The following GRIK2 variants were observed in gnomAD, a reference collection of about 807,000 sequenced individuals.
GRIK2 encodes glutamate receptor ionotropic, kainate 2.
Under a neutral mutation model 100.3 loss-of-function variants are expected in GRIK2, and 32 were observed. The observed-to-expected ratio is 0.32, with a 90% CI of 0.24 to 0.43. GRIK2 has a LOEUF of 0.43. Among genes scored for constraint, GRIK2 ranks in the 20% least tolerant of loss-of-function variants. GRIK2 has a pLI of 1.00. For synonymous variants in GRIK2, 417 were observed against 389.4 expected (o/e 1.07, Z -0.83); for missense variants, 843 against 1,114.9 (o/e 0.76, Z 3.47).
At chr6:101,764,128 T>G (rs772781659) in intron 7 of GRIK2, among the ~76,000 whole-genome samples, 1 of 152,196 alleles carries the variant, frequency 6.6e-6, no homozygotes, top group African/African-American at 2.4e-5. Context: ...TCATCACTTA[T>G]ATGTCAGAGA....
chr6:101,764,184 A>G (rs952271910), intron 7 of GRIK2, among the ~76,000 whole-genome samples: 3 of 151,930 alleles, frequency 2.0e-5, no homozygotes, highest in Admixed American at 2.0e-4. Flanking sequence ...CCTGAGTGTC[A>G]TTTGCTCTTG....
chr6:101,734,154 T>C (rs1775476583), intron 7 of GRIK2, among the ~76,000 whole-genome samples: 1 of 152,070 alleles, frequency 6.6e-6, no homozygotes, highest in South Asian at 2.1e-4. Flanking sequence ...TCTGTATTAG[T>C]CAAAGTTCCC....
intron 7 of GRIK2, among the ~76,000 whole-genome samples, chr6:101,743,860 T>C (rs1049480260): frequency 1.7e-4 from 26 of 152,220 alleles, no homozygotes; most frequent in Non-Finnish European, 7.3e-5. Context: ...AGGTGGTATT[T>C]AGTTAAATGA....
intron 7 of GRIK2, among the ~76,000 whole-genome samples, chr6:101,704,056 T>C (rs1227910282): frequency 6.6e-6 from 1 of 151,660 alleles, no homozygotes; most frequent in Non-Finnish European, 1.5e-5. Flanking sequence ...AAGTGAATAT[T>C]CTGGGGAAAT....
chr6:101,556,914 A>G lies in GRIK2; in HGVS notation c.116-65035A>G, dbSNP rs966923674. 2.6e-5 allele frequency among the ~76,000 whole-genome samples: 4 copies of G among 152,172 alleles called. 1 individual carries two copies. Among genetic ancestry groups the G allele is most frequent in the Admixed American group, 1.3e-4 (2 of 15,270 alleles). On this transcript the variant is annotated intron_variant, in intron 2 of 16. Coordinates refer to ENST00000369134, the MANE Select transcript of GRIK2 (RefSeq NM_021956.5). ...TTTGGTGAATTTGTGGTACTTTACA[A>G]TGGATTAGAGTAAGTAAAAATATTT... is the stretch of plus-strand genomic sequence containing the variant.
chr6:102,055,810 G>A (rs1439227655), intron 16 of GRIK2, among the ~76,000 whole-genome samples: 1 of 151,836 alleles, frequency 6.6e-6, no homozygotes, highest in Non-Finnish European at 1.5e-5. Flanking sequence ...TTTAATTGTA[G>A]CCAGCTTCAG....
intron 12 of GRIK2, among the ~76,000 whole-genome samples, chr6:101,909,165 CATA>C (rs1364732493): frequency 2.6e-5 from 4 of 151,074 alleles, no homozygotes; most frequent in African/African-American, 4.8e-5. Flanking sequence ...TAATTGACCT[CATA>C]ATCAGTATAA....
intron 15 of GRIK2, among the ~76,000 whole-genome samples, chr6:102,047,478 G>A (rs1415971483): frequency 1.3e-5 from 2 of 152,060 alleles, no homozygotes; most frequent in Non-Finnish European, 2.9e-5. Context: ...GGCCAGGTTC[G>A]GTGGCTTATG....
chr6:101,694,686 A>G (rs1274079440), intron 7 of GRIK2, among the ~76,000 whole-genome samples: 1 of 152,046 alleles, frequency 6.6e-6, no homozygotes, highest in Non-Finnish European at 1.5e-5. Flanking sequence ...TAAAATGTAT[A>G]GAATATGTTT....
intron 14 of GRIK2, among the ~76,000 whole-genome samples, chr6:102,031,924 T>C (rs1288026627): frequency 1.3e-5 from 2 of 151,340 alleles, no homozygotes; most frequent in East Asian, 3.9e-4. Flanking sequence ...AAGACTTTTC[T>C]ATTCCAAAAA....
chr6:102,051,194 T>C (rs1336048321), intron 15 of GRIK2, among the ~76,000 whole-genome samples: 2 of 152,102 alleles, frequency 1.3e-5, no homozygotes, highest in Non-Finnish European at 2.9e-5. Flanking sequence ...ATCTGACATA[T>C]GAAGAGGTTT....
chr6:101,865,477 A>C (rs7754135), intron 11 of GRIK2, among the ~76,000 whole-genome samples: 1 of 152,126 alleles, frequency 6.6e-6, no homozygotes, highest in African/African-American at 2.4e-5. Flanking sequence ...GGAAACACTA[A>C]ATCAAAAGCA....
At chr6:101,794,829 G>C (rs1469770038) in intron 7 of GRIK2, among the ~76,000 whole-genome samples, 7 of 149,038 alleles carry the variant, frequency 4.7e-5, no homozygotes, top group African/African-American at 1.7e-4. Flanking sequence ...TCCTTATGTT[G>C]ATATCTACAC....
chr6:101,956,486 T>G (rs1177045194), intron 14 of GRIK2, among the ~76,000 whole-genome samples: 1 of 152,050 alleles, frequency 6.6e-6, no homozygotes, highest in Non-Finnish European at 1.5e-5. Context: ...ATCGCCCCAA[T>G]AGTGAACATT....
intron 2 of GRIK2, among the ~76,000 whole-genome samples, chr6:101,457,675 CT>C (rs1398554486): frequency 1.3e-5 from 2 of 152,022 alleles, no homozygotes; most frequent in Non-Finnish European, 2.9e-5. Flanking sequence ...CTTTCATCTT[CT>C]TTTATTGAAT....
chr6:101,762,915 A>T (rs1363829591), intron 7 of GRIK2, among the ~76,000 whole-genome samples: 1 of 152,118 alleles, frequency 6.6e-6, no homozygotes, highest in East Asian at 1.9e-4. Flanking sequence ...TTGCTGAGAC[A>T]CTTCTTTGTG....
intron 4 of GRIK2, among the ~76,000 whole-genome samples, chr6:101,657,902 A>C (rs1478288820): frequency 2.0e-5 from 3 of 152,028 alleles, no homozygotes; most frequent in African/African-American, 7.2e-5. Flanking sequence ...GTATAGAGAG[A>C]ATTATCCCTG....
rs1294622844 is a variant in GRIK2 at position 101,646,388 on chromosome 6, A to T, written c.541+19751A>T. Among the ~76,000 whole-genome samples the T allele has an allele frequency of 2.6e-5, 4 of 152,064 alleles. No homozygotes were observed. The East Asian group carries it at 7.7e-4, about 29-fold the overall frequency. On this transcript the variant is annotated intron_variant, in intron 4 of 16. Transcript: ENST00000369134. Reference sequence around the variant, plus strand: ...TTACATATGTTGCTGAATTTAGTAAATTCTTACTTCCTGGACTTCAGATAA... The same window carrying T: ...TTACATATGTTGCTGAATTTAGTAATTTCTTACTTCCTGGACTTCAGATAA...
intron 2 of GRIK2, among the ~76,000 whole-genome samples, chr6:101,548,517 C>G (rs1328347223): frequency 1.3e-5 from 2 of 152,104 alleles, no homozygotes; most frequent in East Asian, 3.9e-4. Flanking sequence ...AGGAAGGGGT[C>G]CAGTTTCAGC....
Sources: allele counts gnomAD v4.1 joint callset (sites outside exome capture counted in the v4.1 genomes callset), GRCh38; gene constraint gnomAD v4.1.1; transcripts MANE v1.5; gene names NCBI Gene and HGNC (gene_info 2026-07-23, HGNC 2026-07-21).